Variants in MCHR2 observed in about 807,000 individuals in gnomAD.
MCHR2 encodes the protein melanin-concentrating hormone receptor 2.
MCHR2 carries 15 observed loss-of-function variants against 24.8 expected under a neutral mutation model. The ratio of observed to expected loss-of-function variants is 0.60; its 90% CI spans 0.40 to 0.93. The LOEUF (loss-of-function observed/expected upper bound fraction) is 0.93. MCHR2 is among the 40% of genes least tolerant of loss of function. MCHR2 has a pLI of 0.00. For synonymous variants in MCHR2, 151 were observed against 147.6 expected, an observed-to-expected ratio of 1.02 and a Z score of -0.17; for missense variants, 386 against 408.7, an observed-to-expected ratio of 0.94 and a Z score of 0.48.
chr6:99,933,834 G>A (rs1186683877), intron 5 of MCHR2, among the ~76,000 whole-genome samples: 1 of 151,958 alleles, frequency 6.6e-6, no homozygotes, highest in Non-Finnish European at 1.5e-5. Flanking sequence ...ACAATCTCAA[G>A]GTGAAAATAA....
At position 99,956,960 on chromosome 6, in the gene MCHR2, G is replaced by C. The variant is rs576757378; in HGVS notation, c.-27-786C>G. 1.9e-4 allele frequency among the ~76,000 whole-genome samples: 29 copies of C among 152,128 alleles called. No homozygotes were observed. In the South Asian group the frequency reaches 6.0e-3, roughly 32 times the overall value. On this transcript the variant is annotated intron_variant, in intron 1 of 5. Coordinates refer to ENST00000281806, the MANE Select transcript of MCHR2 (RefSeq NM_001040179.2). ...CTGGACAAAATGTGTGTGTGTGTGT[G>C]TGTGTATTTATATTTATGTGTGTCT...
chr6:99,975,044 T>G (rs1775519959), intron 1 of MCHR2, among the ~76,000 whole-genome samples: 1 of 152,226 alleles, frequency 6.6e-6, no homozygotes, highest in Admixed American at 6.5e-5. Context: ...GGAGGCAGTC[T>G]GCCCGTTCTC....
chr6:99,943,900 G>A (rs921100322), intron 3 of MCHR2, among the ~76,000 whole-genome samples: 11 of 152,150 alleles, frequency 7.2e-5, no homozygotes, highest in Non-Finnish European at 1.3e-4. Context: ...TTCCCAGCAA[G>A]ATTTACTGAC....
At chr6:99,992,899 C>T (rs1582419471) in intron 1 of MCHR2, among the ~76,000 whole-genome samples, 1 of 152,118 alleles carries the variant, frequency 6.6e-6, no homozygotes, top group East Asian at 1.9e-4. Context: ...CATTTCCAGC[C>T]AGTCAGCATC....
At chr6:99,943,296 A>T (rs188791155) in intron 3 of MCHR2, among the ~76,000 whole-genome samples, 153 bp from the exon 4 acceptor site, 35 of 150,216 alleles carry the variant, frequency 2.3e-4, no homozygotes, top group South Asian at 6.2e-4. Flanking sequence ...ATATATATAT[A>T]TTTTAATTTT....
In MCHR2 at chr6:99,975,368, T is replaced by G. The variant is rs571688496; in HGVS notation, c.-28+18568A>C. Among the ~76,000 whole-genome samples, 3 of 152,330 alleles carry G rather than the reference T, an allele frequency of 2.0e-5. No homozygotes were observed. The South Asian group carries it at 6.2e-4, about 32-fold the overall frequency. On this transcript the variant is annotated intron_variant, in intron 1 of 5. Transcript: ENST00000281806. ...GAGACTCCGTGGCCGTAGGACCCTC[T>G]GAGCCAGGTGCAGGATATAATCTCC...
chr6:99,930,366 C>T (rs2114497316), intron 5 of MCHR2, among the ~76,000 whole-genome samples: 1 of 152,228 alleles, frequency 6.6e-6, no homozygotes, highest in South Asian at 2.1e-4. Context: ...TCTGTATTTC[C>T]TGAATCTGAA....
rs1016976583 is a variant in MCHR2 at position 99,983,592 on chromosome 6, C to A, written c.-28+10344G>T. 1.4e-4 allele frequency among the ~76,000 whole-genome samples: 22 copies of A among 152,170 alleles called. 1 individual carries two copies. Among genetic ancestry groups the A allele is most frequent in the South Asian group, 4.1e-4 (2 of 4,836 alleles). On this transcript the variant is annotated intron_variant, in intron 1 of 5. Coordinates refer to ENST00000281806, the MANE Select transcript of MCHR2 (RefSeq NM_001040179.2). Reference sequence around the variant, plus strand: ...ACCATTGTTTTCAAGGTTATTTAATCTTATTGTTGGCTAAATCCAAGTAAT... The same window carrying A: ...ACCATTGTTTTCAAGGTTATTTAATATTATTGTTGGCTAAATCCAAGTAAT...
chr6:99,965,485 A>G (rs1191212383), intron 1 of MCHR2, among the ~76,000 whole-genome samples: 2 of 152,198 alleles, frequency 1.3e-5, no homozygotes, highest in East Asian at 1.9e-4. Flanking sequence ...TAGTTACCTC[A>G]TGTTGTTTTA....
chr6:99,940,054 C>T (rs1158222618), intron 4 of MCHR2, among the ~76,000 whole-genome samples: 2 of 151,400 alleles, frequency 1.3e-5, no homozygotes, highest in Non-Finnish European at 2.9e-5. Context: ...TATTATATGC[C>T]TTGGGGTACA....
rs184249861 is a variant in MCHR2, at chr6:99,921,496, G to C, written c.708-241C>G. Among the ~76,000 whole-genome samples, 521 of 151,962 alleles carry C rather than the reference G, an allele frequency of 3.4e-3. 1 individual carries two copies. The highest frequency in any genetic ancestry group is 0.012 in the African/African-American group (488 of 41,430). The stretch of plus-strand genomic sequence containing the variant: ...TTGTTAATTTTTTAAATTTTTTGTG[G>C]GTACATAGTAGGTGTATATATTTAT... On this transcript the variant is annotated intron_variant, in intron 5 of 5. Transcript: ENST00000281806.
intron 5 of MCHR2, among the ~76,000 whole-genome samples, chr6:99,934,042 G>A (rs1253135367): frequency 1.3e-5 from 2 of 151,826 alleles, no homozygotes; most frequent in African/African-American, 2.4e-5. Flanking sequence ...AAATTAAAAG[G>A]TTGCACATAA....
chr6:99,993,189 A>C (rs556343421), intron 1 of MCHR2, among the ~76,000 whole-genome samples: 28 of 152,304 alleles, frequency 1.8e-4, no homozygotes, highest in African/African-American at 6.7e-4. Flanking sequence ...TCATTAAAAA[A>C]TACAAGAAGC....
chr6:99,942,832 T>A, intron 4 of MCHR2, 117 bp downstream of exon 4: 1 of 738,236 alleles, frequency 1.4e-6, no homozygotes, highest in Middle Eastern at 2.6e-4. Flanking sequence ...CTAATGGAGA[T>A]ACTGGCGAGA....
chr6:99,943,820 T>C (rs964551389), intron 3 of MCHR2, among the ~76,000 whole-genome samples: 6 of 152,184 alleles, frequency 3.9e-5, no homozygotes, highest in Non-Finnish European at 7.4e-5. Context: ...CAAAGGGGCT[T>C]TTCCTATAAA....
At chr6:99,956,740 T>C (rs753907589) in intron 1 of MCHR2, among the ~76,000 whole-genome samples, 2 of 152,064 alleles carry the variant, frequency 1.3e-5, no homozygotes, top group Non-Finnish European at 2.9e-5. Flanking sequence ...GGAGGCACCA[T>C]GTGCAAAGAA....
At chr6:99,952,028 A>G (rs1021704144) in intron 2 of MCHR2, among the ~76,000 whole-genome samples, 30 of 152,124 alleles carry the variant, frequency 2.0e-4, no homozygotes, top group African/African-American at 7.0e-4. Flanking sequence ...TTCAGAAGGT[A>G]GATGTGGGGG....
chr6:99,956,210 A>AC, intron 1 of MCHR2, 36 bp from the exon 2 acceptor site: 1 of 1,360,330 alleles, frequency 7.4e-7, no homozygotes, highest in Non-Finnish European at 1.0e-6. Context: ...TTTAGTGAAC[A>AC]TTCCCTCAAT....
chr6:99,959,172 A>G (rs1775128808), intron 1 of MCHR2, among the ~76,000 whole-genome samples: 1 of 152,134 alleles, frequency 6.6e-6, no homozygotes, highest in Non-Finnish European at 1.5e-5. Context: ...GCCACTGGGA[A>G]CAAAAAGAGT....
Sources: allele counts gnomAD v4.1 joint callset (sites outside exome capture counted in the v4.1 genomes callset), GRCh38; gene constraint gnomAD v4.1.1; transcripts MANE v1.5; gene names NCBI Gene and HGNC (gene_info 2026-07-23, HGNC 2026-07-21).